Variants in ADK observed in about 807,000 individuals in gnomAD.
ADK encodes the protein adenosine kinase.
ADK carries 24 observed loss-of-function variants against 44.7 expected under a neutral mutation model. That is an observed-to-expected ratio of 0.54 (90% CI 0.39 to 0.76). The LOEUF is 0.76. Among genes scored for constraint, ADK ranks in the 30% least tolerant of loss-of-function variants. The pLI is 0.00. For missense variants in ADK, 321 were observed against 425.1 expected (o/e 0.76, Z 2.15); for synonymous variants, 128 against 142.6 (o/e 0.90, Z 0.73).
chr10:74,153,450 T>G (rs1017296074), intron 1 of ADK, among the ~76,000 whole-genome samples: 38 of 152,236 alleles, frequency 2.5e-4, no homozygotes, highest in Non-Finnish European at 5.6e-4. Context: ...CTGACAAGAC[T>G]AGTCTGCCTT....
At chr10:74,483,954 A>G (rs191092371) in intron 6 of ADK, among the ~76,000 whole-genome samples, 2 of 152,296 alleles carry the variant, frequency 1.3e-5, no homozygotes, top group East Asian at 3.9e-4. Context: ...GTATCTTACT[A>G]TATTCTTATG....
intron 1 of ADK, among the ~76,000 whole-genome samples, chr10:74,156,613 G>A (rs1284349681): frequency 6.6e-6 from 1 of 152,178 alleles, no homozygotes; most frequent in East Asian, 1.9e-4. Context: ...AGTGTTTACA[G>A]TTAGGTGGGG....
chr10:74,290,644 C>A (rs539943312), intron 3 of ADK, among the ~76,000 whole-genome samples: 2 of 151,644 alleles, frequency 1.3e-5, no homozygotes, highest in East Asian at 3.9e-4. Context: ...AAGTTTTCTC[C>A]TTTTTTGCTG....
At chr10:74,674,408 C>T (rs998710143) in intron 10 of ADK, among the ~76,000 whole-genome samples, 4 of 152,092 alleles carry the variant, frequency 2.6e-5, no homozygotes, top group South Asian at 2.1e-4. Flanking sequence ...CCAAGGCAGG[C>T]GGATCACTTG....
At chr10:74,656,334 G>A (rs758418095) in intron 9 of ADK, among the ~76,000 whole-genome samples, 2 of 152,292 alleles carry the variant, frequency 1.3e-5, no homozygotes, top group Middle Eastern at 3.4e-3. Context: ...GTGTGAAGAT[G>A]GTACATCCTT....
intron 1 of ADK, among the ~76,000 whole-genome samples, chr10:74,169,527 A>C (rs952625400): frequency 6.6e-6 from 1 of 152,180 alleles, no homozygotes; most frequent in African/African-American, 2.4e-5. Context: ...ATTCTTACTA[A>C]ATAAAGTTCA....
At chr10:74,522,247 A>G (rs773488810) in intron 6 of ADK, among the ~76,000 whole-genome samples, 4 of 152,210 alleles carry the variant, frequency 2.6e-5, no homozygotes, top group Non-Finnish European at 5.9e-5. Flanking sequence ...CAAAAGGGGT[A>G]TGATCTAATG....
Position 74,633,470 on chromosome 10 carries a change from T to C in ADK, c.877+32977T>C, listed in dbSNP as rs188332176. On this transcript the variant is annotated intron_variant, in intron 9 of 10. Transcript: ENST00000539909. ...AACAACCCCAAAGGTCCATAAAGAG[T>C]AAACTGAATATATTATATATTTATG... 2.5e-4 allele frequency among the ~76,000 whole-genome samples: 38 copies of C among 151,894 alleles called. 1 individual carries two copies. Among genetic ancestry groups the C allele is most frequent in the East Asian group, 1.9e-3 (10 of 5,176 alleles).
intron 6 of ADK, among the ~76,000 whole-genome samples, chr10:74,462,421 G>T (rs1846202806): frequency 6.6e-6 from 1 of 152,038 alleles, no homozygotes; most frequent in Non-Finnish European, 1.5e-5. Context: ...AAAAAGTATA[G>T]AAAGTATTTT....
At chr10:74,404,914 G>A (rs1843858539) in intron 6 of ADK, among the ~76,000 whole-genome samples, 1 of 151,932 alleles carries the variant, frequency 6.6e-6, no homozygotes, top group South Asian at 2.1e-4. Flanking sequence ...CTTGTGCTTG[G>A]GTTTTGTTTA....
At chr10:74,411,878 C>T (rs561665804) in intron 6 of ADK, among the ~76,000 whole-genome samples, 8 of 152,308 alleles carry the variant, frequency 5.3e-5, no homozygotes, top group Middle Eastern at 6.8e-3. Context: ...CTGAATTTTT[C>T]GTTGTCATTT....
At chr10:74,440,975 A>T (rs149136422) in intron 6 of ADK, among the ~76,000 whole-genome samples, 2 of 152,288 alleles carry the variant, frequency 1.3e-5, no homozygotes, top group East Asian at 3.9e-4. Context: ...GAAGAATAAG[A>T]TCTATTGTAA....
At chr10:74,268,091 G>T (rs752945460) in intron 3 of ADK, among the ~76,000 whole-genome samples, 9 of 152,146 alleles carry the variant, frequency 5.9e-5, no homozygotes, top group Non-Finnish European at 1.2e-4. Flanking sequence ...GGGAGGCTGT[G>T]GTGGGAGGTT....
chr10:74,312,631 G>C (rs551407001), intron 3 of ADK, among the ~76,000 whole-genome samples: 16 of 151,534 alleles, frequency 1.1e-4, no homozygotes, highest in Admixed American at 2.6e-4. Context: ...CAGGGGCCTG[G>C]CTCCATGGCT....
intron 2 of ADK, among the ~76,000 whole-genome samples, chr10:74,207,061 A>C (rs541842604): frequency 6.6e-6 from 1 of 152,276 alleles, no homozygotes; most frequent in South Asian, 2.1e-4. Context: ...GGATCTGGCC[A>C]CTGTGTACAG....
At chr10:74,326,319 T>C (rs1841008475) in intron 4 of ADK, among the ~76,000 whole-genome samples, 1 of 151,892 alleles carries the variant, frequency 6.6e-6, no homozygotes, top group African/African-American at 2.4e-5. Context: ...GAATATTTGG[T>C]AGGGTGTGTT....
intron 4 of ADK, among the ~76,000 whole-genome samples, chr10:74,355,962 ATGTGTGTGTATGTATCTGAAATAT>A: frequency 1.5e-5 from 2 of 134,774 alleles, no homozygotes; most frequent in Non-Finnish European, 3.1e-5. Flanking sequence ...GTGTGTGTGT[ATGTGTGTGTATGTATCTGAAATAT>A]TTCACTAAAT....
chr10:74,416,464 T>A (rs1186841246), intron 6 of ADK, among the ~76,000 whole-genome samples: 1 of 152,086 alleles, frequency 6.6e-6, no homozygotes, highest in Non-Finnish European at 1.5e-5. Context: ...CCTAAATAGT[T>A]GAAGACGTTC....
rs4746220 is a variant in ADK at position 74,692,724 on chromosome 10, G to A, written c.965-15597G>A. ...CCTTTTCTATGTTTAGATATGTATA[G>A]ATACATAGGTACTTAACATTTTGTT... On this transcript the variant is annotated intron_variant, in intron 10 of 10. Coordinates refer to ENST00000539909, the MANE Select transcript of ADK (RefSeq NM_006721.4). Among the ~76,000 whole-genome samples, 754 of 152,236 alleles carry A rather than the reference G, an allele frequency of 5.0e-3. 8 individuals are homozygous for A. The highest frequency in any genetic ancestry group is 0.017 in the African/African-American group (716 of 41,538).
Sources: allele counts gnomAD v4.1 joint callset (sites outside exome capture counted in the v4.1 genomes callset), GRCh38; gene constraint gnomAD v4.1.1; transcripts MANE v1.5; gene names NCBI Gene and HGNC (gene_info 2026-07-23, HGNC 2026-07-21).